FBXW8: variants seen among roughly 807,000 people sequenced by gnomAD.
FBXW8 encodes F-box and WD repeat domain containing 8, also known as F-box/WD repeat-containing protein 8.
Under a neutral mutation model 65.3 loss-of-function variants are expected in FBXW8, and 57 were observed. The ratio of observed to expected loss-of-function variants is 0.87; its 90% confidence interval spans 0.71 to 1.09. The LOEUF is 1.09. FBXW8 is among the 50% of genes least tolerant of loss of function. The pLI, the probability that FBXW8 is intolerant of heterozygous loss-of-function variation, is 0.00. For missense variants in FBXW8, 777 were observed against 814.8 expected (o/e 0.95, Z 0.57); for synonymous variants, 308 against 330.2 (o/e 0.93, Z 0.73).
chr12:117,026,723 C>T (rs1343572121), intron 9 of FBXW8, among the ~76,000 whole-genome samples: 1 of 152,210 alleles, frequency 6.6e-6, no homozygotes, highest in African/African-American at 2.4e-5. Flanking sequence ...GGGACTGCAT[C>T]TTACCTTCTT....
chr12:116,969,860 G>A (rs1884546980), intron 5 of FBXW8, among the ~76,000 whole-genome samples: 1 of 152,094 alleles, frequency 6.6e-6, no homozygotes, highest in Admixed American at 6.5e-5. Flanking sequence ...GTGATCCACA[G>A]TTGTGATTTT....
At chr12:116,984,848 G>T (rs984564207) in intron 5 of FBXW8, among the ~76,000 whole-genome samples, 3 of 152,110 alleles carry the variant, frequency 2.0e-5, no homozygotes, top group African/African-American at 7.2e-5. Flanking sequence ...AAATTAGCTG[G>T]GTATGGTGGC....
chr12:116,928,310 C>T lies in FBXW8; in HGVS notation c.423+183C>T, dbSNP rs949065916. ...GAGGATTATGTTCCACATCACTACT[C>T]GGTGTGTATCTTTCTGTGACCCAAG... On this transcript the variant is annotated intron_variant, in intron 2 of 10. Transcript: ENST00000652555. Among the ~76,000 whole-genome samples, 5 of 152,298 alleles carry T rather than the reference C, an allele frequency of 3.3e-5. No homozygotes were observed. In the East Asian group the frequency reaches 5.8e-4, roughly 18 times the overall value.
intron 8 of FBXW8, among the ~76,000 whole-genome samples, chr12:117,011,973 A>ATAAG (rs1565941260): frequency 1.3e-5 from 2 of 152,212 alleles, no homozygotes; most frequent in African/African-American, 4.8e-5. Flanking sequence ...ATTCGCTCTT[A>ATAAG]TAAGTAATCT....
chr12:117,005,394 T>A (rs1301988529), intron 7 of FBXW8, among the ~76,000 whole-genome samples: 2 of 152,184 alleles, frequency 1.3e-5, no homozygotes, highest in Non-Finnish European at 2.9e-5. Context: ...CATGAATGAA[T>A]GAATGATAGG....
chr12:116,968,478 C>T (rs1251006408), intron 5 of FBXW8, among the ~76,000 whole-genome samples: 1 of 152,092 alleles, frequency 6.6e-6, no homozygotes, highest in Non-Finnish European at 1.5e-5. Flanking sequence ...AGAGAGTACC[C>T]CGTTTGCACA....
At chr12:117,019,479 T>C (rs953610541) in intron 8 of FBXW8, among the ~76,000 whole-genome samples, 1 of 152,190 alleles carries the variant, frequency 6.6e-6, no homozygotes, top group Admixed American at 6.5e-5. Flanking sequence ...CAGCGTTGAG[T>C]ATATCTATTC....
chr12:116,949,830 C>A, intron 4 of FBXW8, 124 bp downstream of exon 4: 1 of 874,498 alleles, frequency 1.1e-6, no homozygotes. Context: ...AGTTACAGCC[C>A]ATGTGGAAGA....
At position 116,961,818 on chromosome 12, in the gene FBXW8, A is replaced by G. The variant is rs1283173196; in HGVS notation, c.678-2879A>G. Among the ~76,000 whole-genome samples the G allele has an allele frequency of 6.6e-6, 1 of 152,206 alleles. No homozygotes were observed. Among genetic ancestry groups the G allele is most frequent in the Admixed American group, 6.5e-5 (1 of 15,282 alleles). ...GTGAGGGAGAAAGGAAGTAAAGGAA[A>G]TGGTTCCAGAAGAAAGATTCATGCA... is the stretch of plus-strand genomic sequence containing the variant. On this transcript the variant is annotated intron_variant, in intron 4 of 10. Coordinates refer to ENST00000652555, the MANE Select transcript of FBXW8 (RefSeq NM_153348.3). The surrounding 1 kb of genome is among the most constrained non-coding windows in gnomAD (Gnocchi z 4.4).
At chr12:117,021,675 T>C (rs1011996029) in intron 8 of FBXW8, among the ~76,000 whole-genome samples, 5 of 152,256 alleles carry the variant, frequency 3.3e-5, no homozygotes, top group African/African-American at 1.2e-4. Context: ...AATTTATATT[T>C]GACTCTGTGT....
At chr12:117,019,930 A>G (rs1477122636) in intron 8 of FBXW8, among the ~76,000 whole-genome samples, 1 of 152,208 alleles carries the variant, frequency 6.6e-6, no homozygotes, top group Non-Finnish European at 1.5e-5. Flanking sequence ...GCACATTCAA[A>G]ATGGGCCTCA....
intron 2 of FBXW8, among the ~76,000 whole-genome samples, chr12:116,942,310 T>G (rs1321422185): frequency 2.0e-5 from 3 of 151,784 alleles, no homozygotes; most frequent in East Asian, 1.9e-4. Flanking sequence ...CTCTTTTTTT[T>G]CCTTTATTCT....
chr12:116,949,702 G>A lies in FBXW8; in HGVS notation c.673G>A (p.Ala225Thr), dbSNP rs368238777. 6.2e-7 allele frequency: 1 copy of A among 1,614,164 alleles called. No homozygotes were observed. The highest frequency in any genetic ancestry group is 8.5e-7 in the Non-Finnish European group (1 of 1,180,002). ...GCATTCTCACGATGGTGTGGTCATT[G>A]CGGGGTAAGCCAAACCGTTTCCACT... ...DVHSHDGVVI[A>T]GYTSGDVRVW... Residue 225 changes from alanine (A) to threonine (T), a missense_variant, in exon 4 of 11, where the codon GCG becomes ACG. Physicochemically the swap from Ala to Thr is moderately conservative, Grantham distance 58 (BLOSUM62 0). Transcript: ENST00000652555.
chr12:117,007,055 AGTG>A (rs1396381409), intron 7 of FBXW8, among the ~76,000 whole-genome samples: 3 of 152,200 alleles, frequency 2.0e-5, no homozygotes, highest in Non-Finnish European at 4.4e-5. Flanking sequence ...AACTGTTAAA[AGTG>A]GTGATTTGTG....
rs943402444 is a variant in FBXW8 at position 116,944,286 on chromosome 12, T to C, written c.424-1078T>C. The stretch of plus-strand genomic sequence containing the variant: ...TTTGGTGGAATTCTTACTGCTGTTA[T>C]GGAGGAGCAGGTCTTTGGAGGTCTT... On this transcript the variant is annotated intron_variant, in intron 2 of 10. Transcript: ENST00000652555. Among the ~76,000 whole-genome samples the C allele has an allele frequency of 1.4e-4, 21 of 152,350 alleles. No homozygotes were observed. In the South Asian group the frequency reaches 1.5e-3, roughly 11 times the overall value.
rs780823964 is a variant in FBXW8, at chr12:116,985,435, A to G, written c.1032+33A>G. The G allele has an allele frequency of 3.3e-5, 52 of 1,597,182 alleles. No homozygotes were observed. In the Admixed American group the frequency reaches 7.1e-4, roughly 22 times the overall value. On this transcript the variant is annotated intron_variant, in intron 6 of 10. Coordinates refer to ENST00000652555, the MANE Select transcript of FBXW8 (RefSeq NM_153348.3). The stretch of plus-strand genomic sequence containing the variant: ...TTTTAGTCTGGTCATCTTATTTTCT[A>G]TTCTTAGAATCTCTGGGTCTAATGT...
intron 2 of FBXW8, among the ~76,000 whole-genome samples, chr12:116,934,602 G>A (rs1173771137): frequency 6.6e-6 from 1 of 152,036 alleles, no homozygotes; most frequent in Non-Finnish European, 1.5e-5. Flanking sequence ...TGGCTTTTAG[G>A]TATTTACCAA....
In FBXW8 at chr12:117,024,432, A is replaced by G. The variant is rs1592973111; in HGVS notation, c.1541+112A>G. 12 of 1,244,770 alleles carry G rather than the reference A, an allele frequency of 9.6e-6. No homozygotes were observed. In the East Asian group the frequency reaches 2.9e-4, roughly 30 times the overall value. The allele number at this position is 1,244,770 out of a possible 1,614,324, so 77.1% of individuals were successfully genotyped here. A position where few individuals can be genotyped will look rare whatever the true frequency, so the allele number is the denominator to read the frequency against. ...ATGCCCCCTACCCCCCGGCTTCGCCAGGTGAATCCTTACTGTGACCCTAGG... is the reference window on the plus strand; with the variant it reads ...ATGCCCCCTACCCCCCGGCTTCGCCGGGTGAATCCTTACTGTGACCCTAGG... On this transcript the variant is annotated intron_variant, in intron 9 of 10. Coordinates refer to ENST00000652555, the MANE Select transcript of FBXW8 (RefSeq NM_153348.3).
At chr12:117,011,110 CTTGT>C (rs1427927340) in intron 8 of FBXW8, among the ~76,000 whole-genome samples, 4 of 142,934 alleles carry the variant, frequency 2.8e-5, no homozygotes, top group African/African-American at 8.2e-5. Context: ...CTCTTCTTTC[CTTGT>C]TTTTTTCTTT....
Sources: allele counts gnomAD v4.1 joint callset (sites outside exome capture counted in the v4.1 genomes callset), GRCh38; gene constraint gnomAD v4.1.1; non-coding constraint Gnocchi (gnomAD v3.1); transcripts MANE v1.5; gene names NCBI Gene and HGNC (gene_info 2026-07-23, HGNC 2026-07-21).